TPTE: variants seen among roughly 807,000 people sequenced by gnomAD.
TPTE encodes the protein putative tyrosine-protein phosphatase TPTE.
TPTE carries 59 observed loss-of-function variants against 84.1 expected under a neutral mutation model. The ratio of observed to expected loss-of-function variants is 0.70; its 90% CI spans 0.57 to 0.87. The LOEUF is 0.87. Ranked by LOEUF, TPTE falls within the 40% of genes least tolerant of loss-of-function variation. The pLI is 0.00. For missense variants in TPTE, 382 were observed against 659.6 expected (o/e 0.58, Z 4.61); for synonymous variants, 130 against 223.5 (o/e 0.58, Z 3.73).
At chr21:10,551,365 A>G (rs181420187) in intron 7 of TPTE, among the ~76,000 whole-genome samples, 366 of 152,232 alleles carry the variant, frequency 2.4e-3, no homozygotes, top group Non-Finnish European at 4.0e-3. Flanking sequence ...CAGCACACCA[A>G]CATGGCACAT....
chr21:10,537,117 T>C (rs376326352), intron 3 of TPTE, among the ~76,000 whole-genome samples: 3 of 152,300 alleles, frequency 2.0e-5, no homozygotes, highest in Non-Finnish European at 4.4e-5. Context: ...GGGATTTTAG[T>C]GTCAGGAAAT....
At chr21:10,529,586 G>A (rs2074141061) in intron 3 of TPTE, among the ~76,000 whole-genome samples, 2 of 152,428 alleles carry the variant, frequency 1.3e-5, no homozygotes, top group South Asian at 4.1e-4. Flanking sequence ...TATATGAGAT[G>A]ACAGGAAATA....
At chr21:10,532,985 T>C (rs1270594579) in intron 3 of TPTE, among the ~76,000 whole-genome samples, 2 of 152,424 alleles carry the variant, frequency 1.3e-5, no homozygotes, top group African/African-American at 4.8e-5. Context: ...TTAAAGCTGA[T>C]ATATTTCTTC....
intron 8 of TPTE, among the ~76,000 whole-genome samples, chr21:10,553,613 T>G (rs2145652761): frequency 6.6e-6 from 1 of 152,430 alleles, no homozygotes; most frequent in African/African-American, 2.4e-5. Context: ...AGGTTTTCAT[T>G]TTATTTTATT....
chr21:10,534,975 A>G (rs1193023716), intron 3 of TPTE, among the ~76,000 whole-genome samples: 2 of 152,304 alleles, frequency 1.3e-5, no homozygotes, highest in South Asian at 2.1e-4. Context: ...AACAAAAATT[A>G]ATGATCTCAT....
At chr21:10,604,763 CTA>C (rs1235442153) in intron 23 of TPTE, among the ~76,000 whole-genome samples, 2 of 152,298 alleles carry the variant, frequency 1.3e-5, no homozygotes, top group Non-Finnish European at 2.9e-5. Context: ...CTTTAAAACA[CTA>C]TGTTCATTTT....
chr21:10,589,196 T>A (rs1363054464), intron 17 of TPTE, among the ~76,000 whole-genome samples: 1 of 152,310 alleles, frequency 6.6e-6, no homozygotes, highest in Non-Finnish European at 1.5e-5. Flanking sequence ...TATTTTTTTC[T>A]TCTTTCCCTT....
At position 10,602,155 on chromosome 21, in the gene TPTE, G is replaced by A; in HGVS notation, c.1449+5G>A. 1 of 1,609,582 alleles carries A rather than the reference G, an allele frequency of 6.2e-7. No individual in the cohort carries two copies. Among genetic ancestry groups the A allele is most frequent in the South Asian group, 1.1e-5 (1 of 91,018 alleles). On this transcript the variant is annotated splice_donor_5th_base_variant and intron_variant, in intron 22 of 23. Transcript: ENST00000618007. ...AAAGTGCAGTTTTTCTATTCGGTGAGTAATCACAAAGTAGCCTCTGCCATT... is the reference window on the plus strand; with the variant it reads ...AAAGTGCAGTTTTTCTATTCGGTGAATAATCACAAAGTAGCCTCTGCCATT...
Position 10,605,571 on chromosome 21 carries a change from C to A in TPTE, c.*19C>A. The A allele has an allele frequency of 6.2e-7, 1 of 1,613,962 alleles. No homozygotes were observed. Among genetic ancestry groups the A allele is most frequent in the Non-Finnish European group, 8.5e-7 (1 of 1,179,850 alleles). Reference sequence around the variant, plus strand: ...CGATTAAGTATAGCTCCCCCTTCCCCTTCTGGGAAAGAATTATGTTCTTTC... The same window carrying A: ...CGATTAAGTATAGCTCCCCCTTCCCATTCTGGGAAAGAATTATGTTCTTTC... On this transcript the variant is annotated 3_prime_UTR_variant, in exon 24 of 24. Coordinates refer to ENST00000618007, the MANE Select transcript of TPTE (RefSeq NM_199261.4).
At chr21:10,584,490 A>G (rs1050292754) in intron 17 of TPTE, among the ~76,000 whole-genome samples, 1 of 152,310 alleles carries the variant, frequency 6.6e-6, no homozygotes, top group African/African-American at 2.4e-5. Flanking sequence ...GGCAGGTGCC[A>G]CCATGCCTAG....
intron 8 of TPTE, among the ~76,000 whole-genome samples, chr21:10,552,954 A>G (rs1023396686): frequency 6.6e-6 from 1 of 152,304 alleles, no homozygotes; most frequent in Non-Finnish European, 1.5e-5. Context: ...TGTAAAAAGT[A>G]TTCTTAGAGG....
intron 8 of TPTE, among the ~76,000 whole-genome samples, chr21:10,553,906 C>T (rs1490028779): frequency 6.6e-6 from 1 of 152,302 alleles, no homozygotes; most frequent in Non-Finnish European, 1.5e-5. Flanking sequence ...TGCAAAAATA[C>T]TTTGAAAACT....
intron 14 of TPTE, 83 bp downstream of exon 14, chr21:10,570,632 G>T (rs540821808): frequency 9.4e-6 from 15 of 1,599,492 alleles, no homozygotes; most frequent in Admixed American, 8.6e-5. Context: ...CCCAGATATG[G>T]CAGTATTCTT....
intron 8 of TPTE, among the ~76,000 whole-genome samples, chr21:10,556,979 C>A (rs1157538809): frequency 6.6e-6 from 1 of 152,308 alleles, no homozygotes; most frequent in Admixed American, 6.5e-5. Context: ...AAAATTTTCT[C>A]CCATTCCGTA....
At position 10,562,430 on chromosome 21, in the gene TPTE, A is replaced by G. The variant is rs373238518; in HGVS notation, c.446+1239A>G. Among the ~76,000 whole-genome samples, 11 of 152,428 alleles carry G rather than the reference A, an allele frequency of 7.2e-5. No individual in the cohort carries two copies. In the East Asian group the frequency reaches 1.2e-3, roughly 16 times the overall value. On this transcript the variant is annotated intron_variant, in intron 10 of 23. Transcript: ENST00000618007. ...GAACTAAATAAGACACCAGGGGCCA[A>G]TCCTGTAGAAACAGAGATATGTGAC...
chr21:10,528,793 A>G (rs1384738898), intron 3 of TPTE, among the ~76,000 whole-genome samples: 19 of 152,304 alleles, frequency 1.2e-4, no homozygotes, highest in Non-Finnish European at 1.8e-4. Flanking sequence ...CGTCTCCCCA[A>G]ATTAGTGTTT....
intron 10 of TPTE, among the ~76,000 whole-genome samples, chr21:10,562,636 A>AT (rs1299867200): frequency 1.1e-4 from 16 of 152,300 alleles, no homozygotes; most frequent in African/African-American, 3.6e-4. Flanking sequence ...CGAAGAATGC[A>AT]TTAGAGTCTT....
intron 8 of TPTE, among the ~76,000 whole-genome samples, chr21:10,558,581 A>G (rs1323919439): frequency 6.6e-6 from 1 of 152,304 alleles, no homozygotes; most frequent in African/African-American, 2.4e-5. Flanking sequence ...TCAAAGGCCA[A>G]TTGTCAGTGC....
chr21:10,556,821 T>G (rs1277130583), intron 8 of TPTE, among the ~76,000 whole-genome samples: 1 of 152,306 alleles, frequency 6.6e-6, no homozygotes, highest in African/African-American at 2.4e-5. Context: ...CATGTGTCTG[T>G]TGGCTGCATA....
Sources: gnomAD v4.1 joint callset for allele counts (sites outside exome capture counted in the v4.1 genomes callset) on GRCh38, gnomAD v4.1.1 for gene constraint, MANE v1.5 for transcripts, NCBI Gene and HGNC (gene_info 2026-07-23, HGNC 2026-07-21) for gene names.